The following WNT3 variants were observed in gnomAD, a reference collection of about 807,000 sequenced individuals.
WNT3 encodes Wnt family member 3.
Under a neutral mutation model 34.2 loss-of-function variants are expected in WNT3, and 7 were observed. The observed-to-expected ratio is 0.20, with a 90% CI of 0.12 to 0.38. WNT3 has a LOEUF of 0.38. WNT3 is among the 10% of genes least tolerant of loss of function. The pLI, the probability that WNT3 is intolerant of heterozygous loss-of-function variation, is 1.00. For synonymous variants in WNT3, 212 were observed against 211.5 expected (o/e 1.00, Z -0.02); for missense variants, 267 against 499.8 (o/e 0.53, Z 4.44).
chr17:46,779,332 G>A (rs1489680806), intron 1 of WNT3, among the ~76,000 whole-genome samples: 3 of 152,212 alleles, frequency 2.0e-5, no homozygotes, highest in Non-Finnish European at 2.9e-5. Context: ...GGGGGATAGA[G>A]ACCTGCCTGG....
chr17:46,775,848 C>T (rs906410882), intron 1 of WNT3, among the ~76,000 whole-genome samples: 3 of 151,958 alleles, frequency 2.0e-5, no homozygotes, highest in Non-Finnish European at 4.4e-5. Context: ...CTCCTGACCT[C>T]GTGATCCACA....
chr17:46,768,596 C>A lies in WNT3; in HGVS notation c.792G>T (p.Ser264=), dbSNP rs374511226. 2.5e-6 allele frequency: 4 copies of A among 1,614,168 alleles called. No homozygotes were observed. Among genetic ancestry groups the A allele is most frequent in the Non-Finnish European group, 3.4e-6 (4 of 1,180,044 alleles). ...CCCTCTCCGTGGGTGGCTTGAAGAG[C>A]GAGTACTTGGCCCGGAGGGTCTCCA... ...GWVETLRAKY[S]LFKPPTERDL... Residue 264 remains serine (S), a synonymous_variant, in exon 4 of 5, where the codon TCG becomes TCT. Transcript: ENST00000225512. This position sits in a 1 kb window ranked among gnomAD's most constrained non-coding sequence, Gnocchi z 5.0.
At chr17:46,804,281 T>C (rs1568093677) in intron 1 of WNT3, among the ~76,000 whole-genome samples, 1 of 151,968 alleles carries the variant, frequency 6.6e-6, no homozygotes, top group East Asian at 1.9e-4. Context: ...AGAGACGGGG[T>C]TTCAGCATGT....
At chr17:46,798,050 TCCC>T (rs2084076760) in intron 1 of WNT3, among the ~76,000 whole-genome samples, 1 of 152,126 alleles carries the variant, frequency 6.6e-6, no homozygotes, top group Admixed American at 6.6e-5. Context: ...TGCCTCAGCC[TCCC>T]GAGTAGCTAG....
At chr17:46,812,985 C>G (rs548287789) in intron 1 of WNT3, among the ~76,000 whole-genome samples, 1 of 151,998 alleles carries the variant, frequency 6.6e-6, no homozygotes, top group Non-Finnish European at 1.5e-5. Flanking sequence ...CCCTAGTTAC[C>G]CAGGTAGTAC....
At chr17:46,813,470 C>T (rs767340379) in intron 1 of WNT3, among the ~76,000 whole-genome samples, 33 of 20,068 alleles carry the variant, frequency 1.6e-3, no homozygotes, top group African/African-American at 3.8e-3. Flanking sequence ...TAACCTTTGG[C>T]GGGGGGTGGG....
At chr17:46,779,053 T>TCACACACACACGCACACACACA (rs2059435463) in intron 1 of WNT3, among the ~76,000 whole-genome samples, 2 of 100,612 alleles carry the variant, frequency 2.0e-5, no homozygotes, top group African/African-American at 8.9e-5. Context: ...CCCTACCCCA[T>TCACACACACACGCACACACACA]CACACACACA....
intron 1 of WNT3, 23 bp from the exon 2 acceptor site, chr17:46,773,932 A>G: frequency 6.2e-7 from 1 of 1,608,308 alleles, no homozygotes; most frequent in Non-Finnish European, 8.5e-7. Flanking sequence ...AGAGGGTAGT[A>G]ACACTGTGGG....
Position 46,766,940 on chromosome 17 carries a change from T to C in WNT3, c.*8+1372A>G, listed in dbSNP as rs550578261. Among the ~76,000 whole-genome samples, 16 of 152,282 alleles carry C rather than the reference T, an allele frequency of 1.1e-4. No individual in the cohort carries two copies. In the East Asian group the frequency reaches 2.9e-3, roughly 28 times the overall value. On this transcript the variant is annotated intron_variant, in intron 4 of 4. Coordinates refer to ENST00000225512, the MANE Select transcript of WNT3 (RefSeq NM_030753.5). ...TCCCTCACAGCATCTCTGGGGAGGA[T>C]GACAGATGAGGAACCAGGTCTATGA...
At chr17:46,816,221 C>G (rs1352560294) in intron 1 of WNT3, among the ~76,000 whole-genome samples, 1 of 151,772 alleles carries the variant, frequency 6.6e-6, no homozygotes, top group Non-Finnish European at 1.5e-5. Context: ...AGGCTCTGAC[C>G]TTTACATGGG....
At chr17:46,779,103 A>ACACACACACACACACACACACC (rs749719578) in intron 1 of WNT3, among the ~76,000 whole-genome samples, 64 of 133,654 alleles carry the variant, frequency 4.8e-4, no homozygotes, top group East Asian at 4.6e-3. Flanking sequence ...ACACACACAC[A>ACACACACACACACACACACACC]CCCCAGCCCA....
chr17:46,802,288 C>T (rs545206638), intron 1 of WNT3, among the ~76,000 whole-genome samples: 5 of 152,156 alleles, frequency 3.3e-5, no homozygotes, highest in East Asian at 1.9e-4. Context: ...TTTATTTTGA[C>T]GGAGTTTGAC....
intron 1 of WNT3, among the ~76,000 whole-genome samples, chr17:46,774,348 A>C (rs544340353): frequency 1.3e-5 from 2 of 152,302 alleles, no homozygotes; most frequent in Admixed American, 1.3e-4. Flanking sequence ...GACTCATGGG[A>C]CACGCGCGCG....
rs770498023 is a variant in WNT3 at position 46,773,678 on chromosome 17, G to A, written c.312C>T (p.Val104=). 1 of 1,609,904 alleles carries A rather than the reference G, an allele frequency of 6.2e-7. No individual in the cohort carries two copies. Among genetic ancestry groups the A allele is most frequent in the Non-Finnish European group, 8.5e-7 (1 of 1,179,216 alleles). ...GCCCCAAGGCAGTACCTTTGTCGAG[G>A]ACGGGCCCAAAGATGGCCAGGCTGT... ...IDDSLAIFGP[V]LDKATRESAF... Residue 104 remains valine (V), a synonymous_variant, in exon 2 of 5, where the codon GTC becomes GTT. Coordinates refer to ENST00000225512, the MANE Select transcript of WNT3 (RefSeq NM_030753.5).
Position 46,788,717 on chromosome 17 carries a change from C to T in WNT3, c.81-14808G>A, listed in dbSNP as rs182570055. Among the ~76,000 whole-genome samples, 440 of 152,174 alleles carry T rather than the reference C, an allele frequency of 2.9e-3. 3 individuals carry two copies. The highest frequency in any genetic ancestry group is 0.01 in the African/African-American group (420 of 41,514). ...GTTTCCATGTAGAATCTAGCACCTG[C>T]TTCAGCAGGTGCAGTGGCCCTGCGA... On this transcript the variant is annotated intron_variant, in intron 1 of 4. Transcript: ENST00000225512.
chr17:46,801,344 G>T (rs2084122362), intron 1 of WNT3, among the ~76,000 whole-genome samples: 1 of 152,228 alleles, frequency 6.6e-6, no homozygotes, highest in Non-Finnish European at 1.5e-5. Flanking sequence ...AAGTGGCCGG[G>T]CACGGTGGCT....
chr17:46,809,380 A>G (rs751545272), intron 1 of WNT3, among the ~76,000 whole-genome samples: 8 of 152,216 alleles, frequency 5.3e-5, no homozygotes, highest in Non-Finnish European at 1.0e-4. Context: ...GCTCTGGCAG[A>G]TAAGTGGGAC....
At chr17:46,765,493 C>T (rs953016354) in intron 4 of WNT3, among the ~76,000 whole-genome samples, 2 of 152,260 alleles carry the variant, frequency 1.3e-5, no homozygotes, top group Admixed American at 6.5e-5. Flanking sequence ...ATTTGACAGG[C>T]GCTCTCTCCT....
intron 1 of WNT3, among the ~76,000 whole-genome samples, chr17:46,814,912 G>A (rs1187053289): frequency 1.3e-5 from 2 of 152,214 alleles, no homozygotes. Context: ...CTGGGATGGC[G>A]AGAACTCAGG....
Sources: gnomAD v4.1 joint callset for allele counts (sites outside exome capture counted in the v4.1 genomes callset) on GRCh38, gnomAD v4.1.1 for gene constraint, Gnocchi (gnomAD v3.1) non-coding constraint, MANE v1.5 for transcripts, NCBI Gene and HGNC (gene_info 2026-07-23, HGNC 2026-07-21) for gene names.